INTS1: variants seen among roughly 807,000 people sequenced by gnomAD.
INTS1 encodes integrator complex subunit 1.
In INTS1, 137 loss-of-function variants were observed where a neutral mutation model predicts 241.6. The observed-to-expected ratio is 0.57, with a 90% CI of 0.49 to 0.65. The LOEUF (loss-of-function observed/expected upper bound fraction) is 0.65. Ranked by LOEUF, INTS1 falls within the 30% of genes least tolerant of loss-of-function variation. INTS1 has a pLI of 0.00. For missense variants in INTS1, 3,073 were observed against 3,032.2 expected (o/e 1.01, Z -0.32); for synonymous variants, 1,692 against 1,337.8 (o/e 1.26, Z -5.78).
At chr7:1,473,361 CAG>C (rs1184801989) in intron 42 of INTS1, among the ~76,000 whole-genome samples, 177 bp from the exon 43 acceptor site, 1 of 152,154 alleles carries the variant, frequency 6.6e-6, no homozygotes, top group Non-Finnish European at 1.5e-5. Context: ...GACAGAGAGC[CAG>C]AGAGCTGCAG....
In INTS1 at chr7:1,484,153, G is replaced by A. The variant is rs1323107315; in HGVS notation, c.3279C>T (p.Val1093=). ...SDLALDVARL[V]VERSTIMSHL... Reference sequence around the variant, plus strand: ...GGGACATGATGGTGGAGCGCTCCACGACCAGCCGGGCCACGTCCTGGTGTG... The same window carrying A: ...GGGACATGATGGTGGAGCGCTCCACAACCAGCCGGGCCACGTCCTGGTGTG... The change falls in exon 25 of 48, where the codon GTC becomes GTT. Residue 1093 remains valine (V), a synonymous_variant. Transcript: ENST00000404767. The A allele has an allele frequency of 6.2e-6, 10 of 1,610,636 alleles. No individual in the cohort carries two copies. The highest frequency in any genetic ancestry group is 2.2e-5 in the South Asian group (2 of 91,022).
At chr7:1,483,491 C>T (rs1322021004) in intron 26 of INTS1, 7 of 563,750 alleles carry the variant, frequency 1.2e-5, no homozygotes, top group African/African-American at 5.6e-5. Flanking sequence ...CTGTACCAGG[C>T]CCTCCAGCTC....
In INTS1 at chr7:1,499,038, G is replaced by A. The variant is rs769889650; in HGVS notation, c.1074C>T (p.Cys358=). 1.7e-5 allele frequency: 26 copies of A among 1,575,406 alleles called. No individual in the cohort carries two copies. Among genetic ancestry groups the A allele is most frequent in the South Asian group, 2.3e-5 (2 of 87,378 alleles). ...RNLLRLLTST[C]GYKEVRLLAV... ...CCAGCAGCCGCACCTCCTTATAGCC[G>A]CAGGTGGAGGTGAGGAGCCGCAGGA... The change falls in exon 8 of 48, where the codon TGC becomes TGT. Residue 358 remains cysteine, a synonymous_variant. Coordinates refer to ENST00000404767, the MANE Select transcript of INTS1 (RefSeq NM_001080453.3).
intron 16 of INTS1, among the ~76,000 whole-genome samples, chr7:1,492,569 T>C (rs923698843): frequency 1.3e-5 from 2 of 152,234 alleles, no homozygotes; most frequent in African/African-American, 4.8e-5. Context: ...ACACTTTAGA[T>C]AACACGTACA....
chr7:1,488,156 C>G (rs545588822), intron 18 of INTS1, among the ~76,000 whole-genome samples, 199 bp from the exon 19 acceptor site: 87 of 152,304 alleles, frequency 5.7e-4, no homozygotes, highest in Non-Finnish European at 8.5e-4. Context: ...TGCCCAGAGG[C>G]GCGGTCCAGC....
At position 1,471,182 on chromosome 7, in the gene INTS1, G is replaced by C. The variant is rs756865735; in HGVS notation, c.6298C>G (p.Arg2100Gly). Residue 2100 changes from arginine to glycine, a missense_variant, in exon 46 of 48, where the codon CGC (arginine) becomes GGC (glycine). Coordinates refer to ENST00000404767, the MANE Select transcript of INTS1 (RefSeq NM_001080453.3). ...AGGGCCAGGCTGAAGGCGAGGTTGCGGCAACACTCCTCGGCCGAGCTCATC... is the reference window on the plus strand; with the variant it reads ...AGGGCCAGGCTGAAGGCGAGGTTGCCGCAACACTCCTCGGCCGAGCTCATC... ...RLMSSAEECC[R>G]NLAFSLALRS... 6.3e-6 allele frequency: 10 copies of C among 1,584,554 alleles called. No individual in the cohort carries two copies. The highest frequency in any genetic ancestry group is 8.6e-6 in the Non-Finnish European group (10 of 1,167,044).
intron 16 of INTS1, among the ~76,000 whole-genome samples, chr7:1,490,561 C>T (rs538274633): frequency 1.3e-5 from 2 of 152,318 alleles, no homozygotes; most frequent in South Asian, 2.1e-4. Flanking sequence ...TAAAGGGAAA[C>T]CCCTGAAAGG....
At chr7:1,490,616 G>A (rs980487649) in intron 16 of INTS1, among the ~76,000 whole-genome samples, 14 of 152,206 alleles carry the variant, frequency 9.2e-5, no homozygotes, top group East Asian at 3.8e-4. Context: ...TGCACGGATC[G>A]CAGGGCGTGG....
chr7:1,487,276 C>T, intron 20 of INTS1, 44 bp downstream of exon 20: 1 of 1,556,620 alleles, frequency 6.4e-7, no homozygotes, highest in South Asian at 1.2e-5. Flanking sequence ...GGTTCCGGGC[C>T]TCCCAAGACC....
At position 1,483,689 on chromosome 7, in the gene INTS1, G is replaced by A. The variant is rs772899544; in HGVS notation, c.3541+53C>T. On this transcript the variant is annotated intron_variant, in intron 26 of 47. Coordinates refer to ENST00000404767, the MANE Select transcript of INTS1 (RefSeq NM_001080453.3). The stretch of plus-strand genomic sequence containing the variant: ...GCGGAAGCCGCTGGGTGTGGTCAGG[G>A]CTGTGGCCCACCTGGCACGAAGCTG... 6.4e-6 allele frequency: 9 copies of A among 1,410,980 alleles called. No homozygotes were observed. In the South Asian group the frequency reaches 1.0e-4, roughly 16 times the overall value. 87.4% of individuals were successfully genotyped at this position (1,410,980 alleles called of 1,614,324 possible). A position where few individuals can be genotyped will look rare whatever the true frequency, so the allele number is the denominator to read the frequency against.
At chr7:1,487,162 C>T (rs1298649873) in intron 20 of INTS1, 61 bp from the exon 21 acceptor site, 22 of 1,524,636 alleles carry the variant, frequency 1.4e-5, no homozygotes, top group Non-Finnish European at 1.4e-5. Context: ...GCCGCCAGCC[C>T]CCCGGGTGAC....
chr7:1,472,299 C>A lies in INTS1; in HGVS notation c.6158G>T (p.Arg2053Leu). The change falls in exon 44 of 48, where the codon CGG becomes CTG. Residue 2053 changes from arginine to leucine, a missense_variant. Coordinates refer to ENST00000404767, the MANE Select transcript of INTS1 (RefSeq NM_001080453.3). ...TAAEMAPYMK[R>L]LSRGQTVEDL... ...CTCCACCGTTTGGCCCCGGGAAAGC[C>A]GTTTCATGTAGGGGGCCATCTCGGC... 6.4e-7 allele frequency: 1 copy of A among 1,562,114 alleles called. No homozygotes were observed. The highest frequency in any genetic ancestry group is 8.7e-7 in the Non-Finnish European group (1 of 1,153,754).
At chr7:1,499,749 C>T in intron 5 of INTS1, 117 bp from the exon 6 acceptor site, 1 of 1,463,884 alleles carries the variant, frequency 6.8e-7, no homozygotes. Context: ...CTTCTGGGTG[C>T]AGCAGGGACC....
At chr7:1,490,453 A>T (rs1434668341) in intron 16 of INTS1, among the ~76,000 whole-genome samples, 2 of 152,092 alleles carry the variant, frequency 1.3e-5, no homozygotes, top group Non-Finnish European at 2.9e-5. Context: ...GGATAAACGG[A>T]CACCACTGAA....
At position 1,470,873 on chromosome 7, in the gene INTS1, G is replaced by A. The variant is rs923450203; in HGVS notation, c.6430C>T (p.Leu2144=). 6.3e-7 allele frequency: 1 copy of A among 1,594,050 alleles called. No individual in the cohort carries two copies. Among genetic ancestry groups the A allele is most frequent in the Non-Finnish European group, 8.5e-7 (1 of 1,171,192 alleles). ...TGGCACAGGAGAGCGTACTCAGGCAGGTTCCGGAGGGCCGTCTGCACCACC... is the reference window on the plus strand; with the variant it reads ...TGGCACAGGAGAGCGTACTCAGGCAAGTTCCGGAGGGCCGTCTGCACCACC... ...FEVVQTALRN[L]PEYALLCQEH... Residue 2144 remains leucine, a synonymous_variant, in exon 47 of 48, where the codon CTG becomes TTG. Coordinates refer to ENST00000404767, the MANE Select transcript of INTS1 (RefSeq NM_001080453.3).
At chr7:1,484,614 G>A (rs942810766) in intron 24 of INTS1, among the ~76,000 whole-genome samples, 1 of 152,216 alleles carries the variant, frequency 6.6e-6, no homozygotes, top group Non-Finnish European at 1.5e-5. Flanking sequence ...GAGATGCTGA[G>A]GACAGCGGGC....
chr7:1,504,125 G>A (rs984217264), intron 1 of INTS1, 124 bp from the exon 2 acceptor site: 15 of 580,480 alleles, frequency 2.6e-5, no homozygotes, highest in Admixed American at 7.6e-5. Flanking sequence ...CCCGCCCGGC[G>A]GGGCGATGCT....
In INTS1 at chr7:1,500,170, C is replaced by T. The variant is rs1472494933; in HGVS notation, c.546G>A (p.Glu182=). 1 of 1,585,070 alleles carries T rather than the reference C, an allele frequency of 6.3e-7. No individual in the cohort carries two copies. Among genetic ancestry groups the T allele is most frequent in the Non-Finnish European group, 8.6e-7 (1 of 1,160,516 alleles). The change falls in exon 4 of 48, where the codon GAG becomes GAA. Residue 182 remains glutamate (E), a splice_region_variant and synonymous_variant. Coordinates refer to ENST00000404767, the MANE Select transcript of INTS1 (RefSeq NM_001080453.3). ...CTCCTGCCAGGGGCCCGGCTCAAAC[C>T]TCAATGACGCCCTCAGTGGCGAAGA... ...PNIFATEGVI[E]ALCSLLRRDA... is the part of the protein sequence containing the mutation.
At chr7:1,495,592 T>C (rs778864512) in intron 12 of INTS1, 39 bp from the exon 13 acceptor site, 10 of 1,589,484 alleles carry the variant, frequency 6.3e-6, no homozygotes, top group South Asian at 3.4e-5. Flanking sequence ...ATCCGAGCCA[T>C]GGGCCATGAG....
Sources: allele counts gnomAD v4.1 joint callset (sites outside exome capture counted in the v4.1 genomes callset), GRCh38; gene constraint gnomAD v4.1.1; transcripts MANE v1.5; gene names NCBI Gene and HGNC (gene_info 2026-07-23, HGNC 2026-07-21).